The following PLA2G5 variants were observed in gnomAD, a reference collection of about 807,000 sequenced individuals.
The protein encoded by PLA2G5 is Ca2+-dependent phospholipase A2.
PLA2G5 carries 12 observed loss-of-function variants against 15.9 expected under a neutral mutation model. The ratio of observed to expected loss-of-function variants is 0.76; its 90% CI spans 0.48 to 1.23. The LOEUF (loss-of-function observed/expected upper bound fraction) is 1.23, where lower values mean the gene tolerates loss of function less well. Among genes scored for constraint, PLA2G5 ranks in the 50% most tolerant of loss-of-function variants. PLA2G5 has a pLI of 0.00. For synonymous variants in PLA2G5, 71 were observed against 71.4 expected, an observed-to-expected ratio of 0.99 and a Z score of 0.03; for missense variants, 169 against 177.1, an observed-to-expected ratio of 0.95 and a Z score of 0.26.
At chr1:20,067,138 G>C (rs908647967), upstream of PLA2G5, among the ~76,000 whole-genome samples, 1 of 152,056 alleles carries the variant, frequency 6.6e-6, no homozygotes, top group Admixed American at 6.5e-5. Flanking sequence ...TGGACTACAC[G>C]TGCACACCAC....
chr1:20,044,740 A>G (rs1366933007), intron 1 of PLA2G5, among the ~76,000 whole-genome samples: 2 of 152,068 alleles, frequency 1.3e-5, no homozygotes, highest in Non-Finnish European at 2.9e-5. Context: ...TAGAAGGATT[A>G]TAGGATGGAG....
At chr1:20,081,820 G>A (rs547916907) in intron 1 of PLA2G5, among the ~76,000 whole-genome samples, 2 of 151,968 alleles carry the variant, frequency 1.3e-5, no homozygotes, top group South Asian at 4.1e-4. Flanking sequence ...TTAGGAGGCC[G>A]AGGTGGGCGG....
At chr1:20,040,915 C>T (rs1315623381) in intron 1 of PLA2G5, among the ~76,000 whole-genome samples, 1 of 152,202 alleles carries the variant, frequency 6.6e-6, no homozygotes, top group African/African-American at 2.4e-5. Context: ...CTACCCGCTT[C>T]AAGTTGTCCT....
intron 3 of PLA2G5, 21 bp from the exon 4 acceptor site, chr1:20,089,768 C>T: frequency 6.2e-7 from 1 of 1,604,734 alleles, no homozygotes; most frequent in Non-Finnish European, 8.5e-7. Flanking sequence ...CACTCGGGAT[C>T]TAAGTCTCTT....
chr1:20,061,003 C>T (rs994967042), intron 2 of PLA2G5, among the ~76,000 whole-genome samples: 5 of 152,208 alleles, frequency 3.3e-5, no homozygotes, highest in African/African-American at 1.2e-4. Flanking sequence ...AGGCATGAGC[C>T]ATCGCACCCG....
chr1:20,046,281 G>T (rs1214637080), intron 1 of PLA2G5: 1 of 152,056 alleles, frequency 6.6e-6, no homozygotes, highest in African/African-American at 2.4e-5. Flanking sequence ...TTGCCAATCA[G>T]ATTTGACCAA....
At chr1:20,071,176 G>A (rs2015353031) in intron 1 of PLA2G5, among the ~76,000 whole-genome samples, 1 of 152,156 alleles carries the variant, frequency 6.6e-6, no homozygotes, top group Admixed American at 6.5e-5. Flanking sequence ...GCATATGATG[G>A]TAATATCTAC....
chr1:20,084,934 A>T (rs977900564), intron 2 of PLA2G5, 64 bp downstream of exon 2: 69 of 1,106,444 alleles, frequency 6.2e-5, no homozygotes, highest in Non-Finnish European at 9.2e-5. Context: ...GGGTGGTGAA[A>T]AGGACACCAG....
rs1282477095 is a variant in PLA2G5, at chr1:20,090,949, T to C, written c.*257T>C. On this transcript the variant is annotated 3_prime_UTR_variant, in exon 5 of 5. Transcript: ENST00000375108. Reference sequence around the variant, plus strand: ...GCAGCCCCTCTGGTGCCAAGAGCTCTCCTCCAACTCAGGGTTGGCTGTGTC... The same window carrying C: ...GCAGCCCCTCTGGTGCCAAGAGCTCCCCTCCAACTCAGGGTTGGCTGTGTC... 5.0e-6 allele frequency: 2 copies of C among 397,798 alleles called. No individual in the cohort carries two copies. The highest frequency in any genetic ancestry group is 4.0e-5 in the Admixed American group (1 of 25,172). 24.6% of individuals were successfully genotyped at this position (397,798 alleles called of 1,614,324 possible).
chr1:20,060,077 G>A (rs1230337305), intron 2 of PLA2G5, among the ~76,000 whole-genome samples: 1 of 152,050 alleles, frequency 6.6e-6, no homozygotes, highest in African/African-American at 2.4e-5. Flanking sequence ...GCCCAGTGGA[G>A]CACAAAGGGT....
chr1:20,051,122 GT>G (rs2014160189), intron 1 of PLA2G5, among the ~76,000 whole-genome samples: 1 of 152,132 alleles, frequency 6.6e-6, no homozygotes, highest in Non-Finnish European at 1.5e-5. Context: ...AAATTATTGT[GT>G]GCCACAGAGG....
intron 1 of PLA2G5, among the ~76,000 whole-genome samples, chr1:20,079,605 G>A (rs2015893738): frequency 6.6e-6 from 1 of 152,132 alleles, no homozygotes; most frequent in Admixed American, 6.5e-5. Flanking sequence ...GGACCTCCTG[G>A]GCTCGGGCCA....
At chr1:20,043,879 G>A (rs969125250) in intron 1 of PLA2G5, among the ~76,000 whole-genome samples, 14 of 152,200 alleles carry the variant, frequency 9.2e-5, no homozygotes, top group African/African-American at 3.4e-4. Flanking sequence ...CCTCCACTGT[G>A]AGAGTTACCT....
At chr1:20,052,160 C>A (rs182082107) in intron 1 of PLA2G5, among the ~76,000 whole-genome samples, 1 of 117,102 alleles carries the variant, frequency 8.5e-6, no homozygotes, top group Non-Finnish European at 1.6e-5. Flanking sequence ...GGCGACAGAG[C>A]GAGACTCCAT....
intron 1 of PLA2G5, among the ~76,000 whole-genome samples, chr1:20,076,575 A>C (rs996558738): frequency 2.9e-5 from 4 of 138,808 alleles, no homozygotes; most frequent in African/African-American, 5.4e-5. Context: ...GAGGTACCTA[A>C]CATCTGCCCC....
chr1:20,047,802 G>A (rs1034155150), intron 1 of PLA2G5, among the ~76,000 whole-genome samples: 2 of 151,580 alleles, frequency 1.3e-5, no homozygotes, highest in Non-Finnish European at 2.9e-5. Flanking sequence ...ATAATTTGAT[G>A]TTTAATTGGC....
intron 1 of PLA2G5, among the ~76,000 whole-genome samples, chr1:20,057,154 G>A (rs2014474660): frequency 6.6e-6 from 1 of 151,978 alleles, no homozygotes; most frequent in Admixed American, 6.6e-5. Flanking sequence ...TATTTTCAAA[G>A]AATCAACTTT....
intron 1 of PLA2G5, among the ~76,000 whole-genome samples, chr1:20,075,015 C>T (rs985357488): frequency 3.3e-5 from 5 of 152,198 alleles, no homozygotes; most frequent in Admixed American, 6.5e-5. Flanking sequence ...TGCTAGGAAC[C>T]CTCGTTCTGG....
At chr1:20,083,609 C>T (rs2016139928) in intron 1 of PLA2G5, among the ~76,000 whole-genome samples, 1 of 151,880 alleles carries the variant, frequency 6.6e-6, no homozygotes, top group African/African-American at 2.4e-5. Flanking sequence ...GGACTCTAAG[C>T]TGGCAATGGC....
Sources: allele counts gnomAD v4.1 joint callset (sites outside exome capture counted in the v4.1 genomes callset), GRCh38; gene constraint gnomAD v4.1.1; transcripts MANE v1.5; gene names NCBI Gene and HGNC (gene_info 2026-07-23, HGNC 2026-07-21).